EVI5: variants seen among roughly 807,000 people sequenced by gnomAD.
EVI5 encodes ecotropic viral integration site 5 protein homolog.
A neutral mutation model predicts 112.0 loss-of-function variants in EVI5; 73 were observed. The observed-to-expected ratio is 0.65, with a 90% CI of 0.54 to 0.79. The LOEUF is 0.79. Ranked by LOEUF, EVI5 falls within the 30% of genes least tolerant of loss-of-function variation. EVI5 has a pLI of 0.00. For synonymous variants in EVI5, 305 were observed against 319.9 expected (o/e 0.95, Z 0.50); for missense variants, 900 against 968.8 (o/e 0.93, Z 0.94).
intron 19 of EVI5, among the ~76,000 whole-genome samples, chr1:92,557,029 T>C (rs570427458): frequency 1.9e-4 from 29 of 152,248 alleles, no homozygotes; most frequent in African/African-American, 6.3e-4. Flanking sequence ...TAGATTTCTT[T>C]TTATTTACTC....
At chr1:92,784,180 A>T (rs965934572) in intron 1 of EVI5, 1 of 410,458 alleles carries the variant, frequency 2.4e-6, no homozygotes. Context: ...CCCCAAAGAC[A>T]GACAGACAGA....
chr1:92,611,959 A>G (rs1651930048), intron 16 of EVI5, among the ~76,000 whole-genome samples: 1 of 152,098 alleles, frequency 6.6e-6, no homozygotes, highest in Non-Finnish European at 1.5e-5. Context: ...AAGAATTCAG[A>G]GCAAAAATAA....
At chr1:92,607,804 T>C in intron 16 of EVI5, 77 bp from the exon 17 acceptor site, 1 of 869,608 alleles carries the variant, frequency 1.1e-6, no homozygotes, top group Admixed American at 3.3e-5. Flanking sequence ...ATCCATTTTA[T>C]ACCATAACAT....
chr1:92,791,540 A>T (rs569727737), intron 1 of EVI5, among the ~76,000 whole-genome samples: 1 of 152,316 alleles, frequency 6.6e-6, no homozygotes, highest in East Asian at 1.9e-4. Flanking sequence ...AATAAAAAAG[A>T]CTGAATTAGA....
At chr1:92,727,219 G>C (rs961640493) in intron 2 of EVI5, among the ~76,000 whole-genome samples, 1 of 152,142 alleles carries the variant, frequency 6.6e-6, no homozygotes, top group Non-Finnish European at 1.5e-5. Context: ...TGAATGAGGA[G>C]ACTAATGGGT....
At chr1:92,597,043 A>C (rs1425104768) in intron 18 of EVI5, among the ~76,000 whole-genome samples, 1 of 152,188 alleles carries the variant, frequency 6.6e-6, no homozygotes, top group East Asian at 1.9e-4. Context: ...CTCAGTTTTG[A>C]ATGAGTGAAC....
intron 18 of EVI5, among the ~76,000 whole-genome samples, chr1:92,567,872 A>G (rs1310337157): frequency 6.6e-6 from 1 of 152,192 alleles, no homozygotes; most frequent in East Asian, 1.9e-4. Flanking sequence ...TTTAGCCACA[A>G]GCCCATATTT....
chr1:92,639,349 G>C (rs555787309), intron 13 of EVI5, among the ~76,000 whole-genome samples: 103 of 151,058 alleles, frequency 6.8e-4, no homozygotes, highest in Admixed American at 3.0e-3. Context: ...GGAAATAGGA[G>C]TAATACAGTA....
At chr1:92,682,480 G>A (rs180856636) in intron 9 of EVI5, among the ~76,000 whole-genome samples, 17 of 152,234 alleles carry the variant, frequency 1.1e-4, no homozygotes, top group African/African-American at 1.9e-4. Context: ...AACAGTCTTC[G>A]GCCAGGCATG....
At chr1:92,595,706 G>T (rs1188295018) in intron 18 of EVI5, among the ~76,000 whole-genome samples, 1 of 152,148 alleles carries the variant, frequency 6.6e-6, no homozygotes, top group African/African-American at 2.4e-5. Flanking sequence ...ATATATGTCG[G>T]GGTAACTGGG....
At chr1:92,685,185 C>G (rs569116315) in intron 9 of EVI5, among the ~76,000 whole-genome samples, 2 of 152,092 alleles carry the variant, frequency 1.3e-5, no homozygotes, top group South Asian at 2.1e-4. Flanking sequence ...TGTAAAAGAA[C>G]AGAAATCACA....
At chr1:92,686,866 A>G (rs929876986) in intron 9 of EVI5, among the ~76,000 whole-genome samples, 1 of 152,238 alleles carries the variant, frequency 6.6e-6, no homozygotes, top group Non-Finnish European at 1.5e-5. Flanking sequence ...GGAGAACTAC[A>G]AATCACTGCT....
chr1:92,739,714 C>A (rs577102859), intron 1 of EVI5, among the ~76,000 whole-genome samples: 9 of 152,062 alleles, frequency 5.9e-5, no homozygotes, highest in Admixed American at 5.2e-4. Flanking sequence ...TAAAAGGATG[C>A]TCTTAACTTC....
intron 2 of EVI5, among the ~76,000 whole-genome samples, chr1:92,730,425 C>T (rs1473906487): frequency 6.6e-6 from 1 of 151,922 alleles, no homozygotes; most frequent in Non-Finnish European, 1.5e-5. Context: ...GTGGTTCACG[C>T]CTGTAATCCC....
At chr1:92,712,969 A>T (rs1022919401) in intron 2 of EVI5, among the ~76,000 whole-genome samples, 2 of 151,300 alleles carry the variant, frequency 1.3e-5, no homozygotes, top group African/African-American at 4.8e-5. Flanking sequence ...ATATTAAGAT[A>T]TATCTTAAAT....
chr1:92,599,223 T>C (rs1314663978), intron 18 of EVI5, among the ~76,000 whole-genome samples: 1 of 151,938 alleles, frequency 6.6e-6, no homozygotes, highest in East Asian at 1.9e-4. Flanking sequence ...AGGCTTTCAT[T>C]ATATGAATAA....
intron 18 of EVI5, among the ~76,000 whole-genome samples, chr1:92,574,123 G>T (rs1199430921): frequency 6.6e-6 from 1 of 152,010 alleles, no homozygotes; most frequent in Non-Finnish European, 1.5e-5. Flanking sequence ...TTGATTACCT[G>T]GATTGTTTGA....
Position 92,704,736 on chromosome 1 carries a change from T to C in EVI5, c.158A>G (p.Glu53Gly). 1 of 1,508,258 alleles carries C rather than the reference T, an allele frequency of 6.6e-7. No individual in the cohort carries two copies. The highest frequency in any genetic ancestry group is 9.0e-7 in the Non-Finnish European group (1 of 1,112,090). 93.4% of individuals were successfully genotyped at this position (1,508,258 alleles called of 1,614,324 possible). ...AKLEEQNRLL[E>G]TDSKSLRSVN... The stretch of plus-strand genomic sequence containing the variant: ...AGATCTTAAAGACTTACTATCCGTT[T>C]CTAACAATCTAAAATATAATTAAAA... Residue 53 changes from glutamate (E) to glycine (G), a missense_variant, in exon 3 of 20, where the codon GAA becomes GGA. Coordinates refer to ENST00000684568, the MANE Select transcript of EVI5 (RefSeq NM_001350197.2).
chr1:92,618,702 G>T (rs369989283), intron 16 of EVI5, among the ~76,000 whole-genome samples: 32 of 152,328 alleles, frequency 2.1e-4, no homozygotes, highest in East Asian at 1.2e-3. Flanking sequence ...AAGGCAAAGG[G>T]AATACAGAAT....
Sources: gnomAD v4.1 joint callset for allele counts (sites outside exome capture counted in the v4.1 genomes callset) on GRCh38, gnomAD v4.1.1 for gene constraint, MANE v1.5 for transcripts, NCBI Gene and HGNC (gene_info 2026-07-23, HGNC 2026-07-21) for gene names.